WDTC1: variants seen among roughly 807,000 people sequenced by gnomAD.
WDTC1 encodes the protein WD and tetratricopeptide repeats 1.
Under a neutral mutation model 76.0 loss-of-function variants are expected in WDTC1, and 12 were observed. The ratio of observed to expected loss-of-function variants is 0.16; its 90% confidence interval spans 0.10 to 0.26. The LOEUF (loss-of-function observed/expected upper bound fraction) is 0.26. Ranked by LOEUF, WDTC1 falls within the 10% of genes least tolerant of loss-of-function variation. The pLI is 1.00. For synonymous variants in WDTC1, 326 were observed against 350.8 expected (o/e 0.93, Z 0.79); for missense variants, 511 against 908.8 (o/e 0.56, Z 5.63).
intron 2 of WDTC1, 65 bp from the exon 3 acceptor site, chr1:27,263,087 A>T: frequency 6.4e-7 from 1 of 1,565,334 alleles, no homozygotes; most frequent in South Asian, 1.1e-5. Flanking sequence ...TGGATATATA[A>T]TAGGCACATA....
chr1:27,284,743 G>C (rs1189274701), intron 5 of WDTC1, among the ~76,000 whole-genome samples: 1 of 151,330 alleles, frequency 6.6e-6, no homozygotes, highest in Non-Finnish European at 1.5e-5. Context: ...CTTACATGCA[G>C]ACTGTCAGCC....
intron 6 of WDTC1, among the ~76,000 whole-genome samples, chr1:27,289,089 C>T (rs1302973056): frequency 2.5e-4 from 35 of 139,366 alleles, no homozygotes; most frequent in South Asian, 4.7e-4. Flanking sequence ...GGCTGACCCC[C>T]CCACCTCCCT....
At chr1:27,281,390 G>A (rs1370165017) in intron 3 of WDTC1, among the ~76,000 whole-genome samples, 7 of 148,572 alleles carry the variant, frequency 4.7e-5, no homozygotes, top group Non-Finnish European at 1.0e-4. Flanking sequence ...GGAGGCGGAG[G>A]TTGCAGTGAG....
At chr1:27,260,327 G>C (rs1455146872) in intron 1 of WDTC1, among the ~76,000 whole-genome samples, 3 of 152,124 alleles carry the variant, frequency 2.0e-5, no homozygotes, top group Non-Finnish European at 4.4e-5. Context: ...GGATGGTCTC[G>C]ATCTCCTGAC....
At chr1:27,263,971 G>T (rs540495781) in intron 3 of WDTC1, among the ~76,000 whole-genome samples, 1 of 151,686 alleles carries the variant, frequency 6.6e-6, no homozygotes, top group Non-Finnish European at 1.5e-5. Context: ...TCAAAGCAAT[G>T]CTGTAGGGAT....
intron 3 of WDTC1, among the ~76,000 whole-genome samples, chr1:27,264,232 G>A (rs1162371888): frequency 6.6e-6 from 1 of 152,016 alleles, no homozygotes; most frequent in African/African-American, 2.4e-5. Context: ...AAGTTGCAGT[G>A]AGCCAAGATA....
intron 1 of WDTC1, among the ~76,000 whole-genome samples, chr1:27,242,765 A>C (rs1339458305): frequency 6.6e-6 from 1 of 152,024 alleles, no homozygotes; most frequent in Non-Finnish European, 1.5e-5. Context: ...CACCGCACCC[A>C]GGCGACCCTG....
chr1:27,292,655 G>A (rs1028340252), intron 7 of WDTC1, among the ~76,000 whole-genome samples: 1 of 151,540 alleles, frequency 6.6e-6, no homozygotes, highest in Non-Finnish European at 1.5e-5. Context: ...TCTCAAACTC[G>A]AGCTAAAGCA....
intron 1 of WDTC1, among the ~76,000 whole-genome samples, chr1:27,242,768 C>T (rs780217286): frequency 1.3e-5 from 2 of 151,894 alleles, no homozygotes; most frequent in African/African-American, 4.8e-5. Flanking sequence ...CGCACCCAGG[C>T]GACCCTGTCT....
At chr1:27,263,096 T>A (rs2012535121) in intron 2 of WDTC1, 56 bp from the exon 3 acceptor site, 2 of 1,588,720 alleles carry the variant, frequency 1.3e-6, no homozygotes, top group South Asian at 2.2e-5. Context: ...AATAGGCACA[T>A]AATAAATCAT....
chr1:27,280,549 G>A (rs1161188987), intron 3 of WDTC1, among the ~76,000 whole-genome samples: 1 of 152,196 alleles, frequency 6.6e-6, no homozygotes, highest in African/African-American at 2.4e-5. Context: ...TGTTAATTTT[G>A]CTGGATTTTA....
chr1:27,260,696 AC>A (rs2012450420), intron 1 of WDTC1, among the ~76,000 whole-genome samples: 1 of 152,202 alleles, frequency 6.6e-6, no homozygotes, highest in Admixed American at 6.5e-5. Flanking sequence ...TCATACTTAT[AC>A]ACAACCTGCC....
chr1:27,268,590 T>C (rs1410127015), intron 3 of WDTC1, among the ~76,000 whole-genome samples: 1 of 151,692 alleles, frequency 6.6e-6, no homozygotes, highest in African/African-American at 2.4e-5. Context: ...GGCTAATTTC[T>C]GTATTTTTAG....
intron 3 of WDTC1, among the ~76,000 whole-genome samples, chr1:27,265,805 G>A (rs1280829758): frequency 6.6e-6 from 1 of 152,048 alleles, no homozygotes; most frequent in African/African-American, 2.4e-5. Context: ...AAATCAGTCG[G>A]CCATGGTGGT....
chr1:27,281,315 G>A (rs1021605752), intron 3 of WDTC1, among the ~76,000 whole-genome samples: 11 of 151,870 alleles, frequency 7.2e-5, no homozygotes, highest in African/African-American at 9.7e-5. Flanking sequence ...TTAGCCTGGC[G>A]TGTTGGCGGG....
Position 27,287,841 on chromosome 1 carries a change from T to C in WDTC1, c.459T>C (p.Ala153=). Residue 153 remains alanine (A), a synonymous_variant, in exon 6 of 16, where the codon GCT becomes GCC. Transcript: ENST00000319394. ...TGTGGCCCAACACATTCTGGAGTGC[T>C]GCTGAGGATGGGCTTATCCGGTAAG... ...APMWPNTFWS[A]AEDGLIRQYD... is the part of the protein sequence containing the mutation. The C allele has an allele frequency of 6.2e-7, 1 of 1,613,540 alleles. No homozygotes were observed. The highest frequency in any genetic ancestry group is 8.5e-7 in the Non-Finnish European group (1 of 1,179,738).
intron 13 of WDTC1, among the ~76,000 whole-genome samples, chr1:27,302,351 G>A (rs1170069711): frequency 6.6e-6 from 1 of 152,052 alleles, no homozygotes; most frequent in Non-Finnish European, 1.5e-5. Context: ...GCTGGGAGGG[G>A]GTGGGCTTGA....
Position 27,306,218 on chromosome 1 carries a change from T to C in WDTC1, c.1869T>C (p.Asp623=), listed in dbSNP as rs754897648. Residue 623 remains aspartate, a synonymous_variant, in exon 16 of 16, where the codon GAT becomes GAC. Transcript: ENST00000319394. This position sits in a 1 kb window ranked among gnomAD's most constrained non-coding sequence, Gnocchi z 5.0. Reference sequence around the variant, plus strand: ...ACCTCACAGGCCGAGTCGTGGAAGATATGGAGGGTGCTTCACAGGCCAACC... The same window carrying C: ...ACCTCACAGGCCGAGTCGTGGAAGACATGGAGGGTGCTTCACAGGCCAACC... ...SEDLTGRVVE[D]MEGASQANQR... is the part of the protein sequence containing the mutation. The C allele has an allele frequency of 1.2e-6, 2 of 1,613,884 alleles. No individual in the cohort carries two copies. Among genetic ancestry groups the C allele is most frequent in the East Asian group, 2.2e-5 (1 of 44,864 alleles).
chr1:27,286,677 T>A (rs1222289891), intron 5 of WDTC1, among the ~76,000 whole-genome samples: 1 of 151,494 alleles, frequency 6.6e-6, no homozygotes, highest in Non-Finnish European at 1.5e-5. Context: ...TTAGCCAGGA[T>A]GGTCTGGATC....
Sources: gnomAD v4.1 joint callset for allele counts (sites outside exome capture counted in the v4.1 genomes callset) on GRCh38, gnomAD v4.1.1 for gene constraint, Gnocchi (gnomAD v3.1) non-coding constraint, MANE v1.5 for transcripts, NCBI Gene and HGNC (gene_info 2026-07-23, HGNC 2026-07-21) for gene names.